CD1A: variants seen among roughly 807,000 people sequenced by gnomAD.
CD1A encodes the protein CD1a molecule.
Under a neutral mutation model 38.3 loss-of-function variants are expected in CD1A, and 50 were observed. The ratio of observed to expected loss-of-function variants is 1.30; its 90% CI spans 1.04 to 1.65. CD1A has a LOEUF of 1.65. Ranked by LOEUF, CD1A falls within the 40% of genes most tolerant of loss-of-function variation. The pLI, the probability that CD1A is intolerant of heterozygous loss-of-function variation, is 0.00. For missense variants in CD1A, 459 were observed against 406.1 expected (o/e 1.13, Z -1.12); for synonymous variants, 160 against 150.8 (o/e 1.06, Z -0.45).
rs1426318150 is a variant in CD1A, at chr1:158,257,084, C to T, written c.883+20C>T. 6.3e-7 allele frequency: 1 copy of T among 1,586,208 alleles called. No individual in the cohort carries two copies. The highest frequency in any genetic ancestry group is 8.6e-7 in the Non-Finnish European group (1 of 1,163,794). On this transcript the variant is annotated intron_variant, in intron 4 of 5. Transcript: ENST00000289429. ...ACTGGGGTGAGAAAAAGCTAAGGCC[C>T]AGGCTGGAAATGCCAGGAAGTGGAC... is the stretch of plus-strand genomic sequence containing the variant.
Position 158,257,021 on chromosome 1 carries a change from G to A in CD1A, c.840G>A (p.Val280=). Residue 280 remains valine, a synonymous_variant, in exon 4 of 6, where the codon GTG becomes GTA. Transcript: ENST00000289429. ...AGGCAGCTGACCTGTCCTGTCGGGTGAAGCACAGCAGTCTAGAGGGCCAGG... is the reference window on the plus strand; with the variant it reads ...AGGCAGCTGACCTGTCCTGTCGGGTAAAGCACAGCAGTCTAGAGGGCCAGG... ...AGEAADLSCR[V]KHSSLEGQDI... 2 of 1,614,058 alleles carry A rather than the reference G, an allele frequency of 1.2e-6. No homozygotes were observed. Among genetic ancestry groups the A allele is most frequent in the Non-Finnish European group, 1.7e-6 (2 of 1,179,940 alleles).
At chr1:158,252,221 G>A (rs1650110361), upstream of CD1A, among the ~76,000 whole-genome samples, 1 of 151,660 alleles carries the variant, frequency 6.6e-6, no homozygotes. Context: ...TCATACCTCA[G>A]GCCCGCATCA....
At chr1:158,253,474 A>G (rs1650140083), upstream of CD1A, among the ~76,000 whole-genome samples, 1 of 152,198 alleles carries the variant, frequency 6.6e-6, no homozygotes, top group African/African-American at 2.4e-5. Flanking sequence ...CCTAAATAAA[A>G]CTGTATGAGA....
upstream of CD1A, among the ~76,000 whole-genome samples, chr1:158,250,673 T>G (rs562481665): frequency 1.3e-5 from 2 of 152,340 alleles, no homozygotes; most frequent in African/African-American, 4.8e-5. Context: ...CCTCTCTTCC[T>G]ATCTCTCTCA....
the CD1A span, among the ~76,000 whole-genome samples, chr1:158,248,568 A>G: frequency 1.9e-4 from 29 of 152,120 alleles, no homozygotes; most frequent in Admixed American, 1.9e-3. Context: ...ATCAGGGTAT[A>G]TGTTATTCAC....
At chr1:158,255,429 C>T (rs977116148) in intron 2 of CD1A, 79 bp downstream of exon 2, 2 of 1,399,572 alleles carry the variant, frequency 1.4e-6, no homozygotes, top group Non-Finnish European at 2.0e-6. Context: ...CTTTAGGAAA[C>T]AGCCTGACTC....
Position 158,255,135 on chromosome 1 carries a change from A to G in CD1A, c.110A>G (p.Asn37Ser). ...FHVTWIASFY[N>S]HSWKQNLVSG... ...GTCACCTGGATCGCATCCTTTTACA[A>G]CCATTCCTGGAAACAAAATCTGGTC... The change falls in exon 2 of 6, where the codon AAC becomes AGC. Residue 37 changes from asparagine to serine, a missense_variant. Physicochemically the swap from Asn to Ser is conservative, Grantham distance 46 (BLOSUM62 1). Transcript: ENST00000289429. The G allele has an allele frequency of 6.2e-7, 1 of 1,613,942 alleles. No individual in the cohort carries two copies. Among genetic ancestry groups the G allele is most frequent in the South Asian group, 1.1e-5 (1 of 91,062 alleles).
upstream of CD1A, among the ~76,000 whole-genome samples, chr1:158,253,471 A>G (rs1650140027): frequency 6.6e-6 from 1 of 152,230 alleles, no homozygotes; most frequent in South Asian, 2.1e-4. Flanking sequence ...TATCCTAAAT[A>G]AAACTGTATG....
chr1:158,257,514 G>T lies in CD1A; in HGVS notation c.974+3G>T, dbSNP rs1263716877. 3.7e-6 allele frequency: 6 copies of T among 1,612,470 alleles called. No individual in the cohort carries two copies. The highest frequency in any genetic ancestry group is 4.2e-6 in the Non-Finnish European group (5 of 1,178,580). ...GCGCTTTGGTTCAGGAAACGCTGGT[G>T]AGTTCTTTGCATGTGTCTTTCCTAC... On this transcript the variant is annotated splice_donor_region_variant and intron_variant, in intron 5 of 5. Transcript: ENST00000289429.
Position 158,255,316 on chromosome 1 carries a change from A to G in CD1A, c.291A>G (p.Gly97=). Residue 97 remains glycine (G), a synonymous_variant, in exon 2 of 6, where the codon GGA becomes GGG. Transcript: ENST00000289429. Reference sequence around the variant, plus strand: ...TACGCACCATTCGGTCATTTGAGGGAATTCGTAGATACGCCCATGAATTGC... The same window carrying G: ...TACGCACCATTCGGTCATTTGAGGGGATTCGTAGATACGCCCATGAATTGC... ...FRIRTIRSFE[G]IRRYAHELQF... 1 of 1,614,080 alleles carries G rather than the reference A, an allele frequency of 6.2e-7. No individual in the cohort carries two copies. Among genetic ancestry groups the G allele is most frequent in the Non-Finnish European group, 8.5e-7 (1 of 1,179,980 alleles).
chr1:158,250,779 G>A (rs1024200482), upstream of CD1A, among the ~76,000 whole-genome samples: 1 of 152,128 alleles, frequency 6.6e-6, no homozygotes, highest in African/African-American at 2.4e-5. Context: ...CGTGAAGTCT[G>A]CCGTCCCTGC....
rs143115938 is a variant in CD1A at position 158,258,051 on chromosome 1, T to C, written c.*361T>C. 141 of 214,878 alleles carry C rather than the reference T, an allele frequency of 6.6e-4. 1 individual carries two copies. In the East Asian group the frequency reaches 0.015, roughly 22 times the overall value. The allele number at this position is 214,878 out of a possible 1,614,324, so 13.3% of individuals were successfully genotyped here. A position where few individuals can be genotyped will look rare whatever the true frequency, so the allele number is the denominator to read the frequency against. ...TGACTTACAAGTGGGAAGCAGTCTCTTCCTGGTCTGAACTCCCGCCACATT... is the reference window on the plus strand; with the variant it reads ...TGACTTACAAGTGGGAAGCAGTCTCCTCCTGGTCTGAACTCCCGCCACATT... On this transcript the variant is annotated 3_prime_UTR_variant, in exon 6 of 6. Transcript: ENST00000289429.
chr1:158,255,400 G>C, intron 2 of CD1A, 50 bp downstream of exon 2: 1 of 1,569,638 alleles, frequency 6.4e-7, no homozygotes, highest in Non-Finnish European at 8.7e-7. Flanking sequence ...GAGAGGGGTT[G>C]TCTCAATGTT....
chr1:158,256,728 T>C, intron 3 of CD1A, 58 bp from the exon 4 acceptor site: 2 of 1,554,892 alleles, frequency 1.3e-6, no homozygotes, highest in Admixed American at 3.7e-5. Flanking sequence ...ACTTCTAAAC[T>C]GTTGTGGAGA....
At chr1:158,253,416 T>C (rs374100999), upstream of CD1A, among the ~76,000 whole-genome samples, 22 of 152,360 alleles carry the variant, frequency 1.4e-4, no homozygotes, top group East Asian at 3.9e-3. Flanking sequence ...AGGACATTTA[T>C]AGCAGGATCT....
At chr1:158,249,193 C>A in the CD1A span, among the ~76,000 whole-genome samples, 8 of 152,172 alleles carry the variant, frequency 5.3e-5, no homozygotes, top group African/African-American at 1.7e-4. Context: ...ACGGTGTAGG[C>A]CACATAATTT....
chr1:158,254,964 G>C, intron 1 of CD1A, 120 bp from the exon 2 acceptor site: 1 of 1,073,924 alleles, frequency 9.3e-7, no homozygotes, highest in Middle Eastern at 2.9e-4. Flanking sequence ...GTGAATGTCT[G>C]CTAAGATCAT....
chr1:158,255,418 C>A, intron 2 of CD1A, 68 bp downstream of exon 2: 2 of 1,480,122 alleles, frequency 1.4e-6, no homozygotes, highest in South Asian at 1.2e-5. Context: ...GTTTCTTATT[C>A]CTTTAGGAAA....
chr1:158,251,443 C>T (rs1378493709), upstream of CD1A, among the ~76,000 whole-genome samples: 1 of 152,204 alleles, frequency 6.6e-6, no homozygotes, highest in Non-Finnish European at 1.5e-5. Flanking sequence ...CTACATTGCT[C>T]TGTTCCTAGG....
Sources: gnomAD v4.1 joint callset for allele counts (sites outside exome capture counted in the v4.1 genomes callset) on GRCh38, gnomAD v4.1.1 for gene constraint, MANE v1.5 for transcripts, NCBI Gene and HGNC (gene_info 2026-07-23, HGNC 2026-07-21) for gene names.